RARB: variants seen among roughly 807,000 people sequenced by gnomAD.
RARB encodes HBV-activated protein.
Under a neutral mutation model 51.9 loss-of-function variants are expected in RARB, and 17 were observed. The ratio of observed to expected loss-of-function variants is 0.33; its 90% CI spans 0.22 to 0.49. RARB has a LOEUF of 0.49. Ranked by LOEUF, RARB falls within the 20% of genes least tolerant of loss-of-function variation. RARB has a pLI of 0.99. For synonymous variants in RARB, 215 were observed against 195.4 expected (o/e 1.10, Z -0.84); for missense variants, 369 against 550.8 (o/e 0.67, Z 3.30).
At chr3:24,997,713 A>G (rs1047446486) in intron 2 of RARB, among the ~76,000 whole-genome samples, 1 of 152,038 alleles carries the variant, frequency 6.6e-6, no homozygotes, top group African/African-American at 2.4e-5. Flanking sequence ...AATTTATTAA[A>G]CTATATACTG....
At chr3:25,097,225 G>A (rs1447039533) in intron 3 of RARB, among the ~76,000 whole-genome samples, 2 of 152,104 alleles carry the variant, frequency 1.3e-5, no homozygotes, top group East Asian at 1.9e-4. Flanking sequence ...GCGGTGCACT[G>A]GACCGCTTCT....
rs148977705 is a variant in RARB at position 25,278,696 on chromosome 3, A to C, written c.178+104121A>C. ...GAAAGTAAGCAGAAAGAGATAGCAA[A>C]ATAGCAGCCCCGTTACAAGGCAAAT... On this transcript the variant is annotated intron_variant, in intron 5 of 11. Transcript: ENST00000383772. Among the ~76,000 whole-genome samples the C allele has an allele frequency of 1.8e-3, 275 of 152,324 alleles. 1 individual carries two copies. Among genetic ancestry groups the C allele is most frequent in the Non-Finnish European group, 3.4e-3 (228 of 68,026 alleles).
chr3:24,866,492 A>C (rs963629378), intron 2 of RARB, among the ~76,000 whole-genome samples: 1 of 152,132 alleles, frequency 6.6e-6, no homozygotes, highest in South Asian at 2.1e-4. Flanking sequence ...TTCCAGATGA[A>C]TTCCAGCATG....
At chr3:25,426,923 G>GT (rs1283763177), upstream of RARB, among the ~76,000 whole-genome samples, 2 of 152,184 alleles carry the variant, frequency 1.3e-5, no homozygotes, top group Non-Finnish European at 2.9e-5. Flanking sequence ...TTGGGTCAGT[G>GT]TGAGAGATCT....
intron 3 of RARB, among the ~76,000 whole-genome samples, chr3:25,534,757 T>C (rs1699068796): frequency 6.6e-6 from 1 of 152,212 alleles, no homozygotes; most frequent in Non-Finnish European, 1.5e-5. Context: ...ACCTGTTGGC[T>C]TTGGGACTAG....
intron 3 of RARB, among the ~76,000 whole-genome samples, chr3:25,130,633 C>A (rs1194545280): frequency 2.6e-5 from 4 of 151,732 alleles, no homozygotes. Context: ...AGAGAGGGAC[C>A]TGGGTGTGGG....
intron 3 of RARB, among the ~76,000 whole-genome samples, chr3:25,074,334 C>T (rs1575147898): frequency 6.6e-6 from 1 of 152,174 alleles, no homozygotes. Flanking sequence ...GCTTCCCGAT[C>T]GGCTGCTGAA....
intron 5 of RARB, among the ~76,000 whole-genome samples, chr3:25,325,108 C>T (rs555131507): frequency 1.3e-4 from 20 of 152,112 alleles, no homozygotes; most frequent in African/African-American, 3.9e-4. Flanking sequence ...AAACAAGGGG[C>T]GGCTTATTCA....
intron 2 of RARB, among the ~76,000 whole-genome samples, chr3:24,918,238 T>C (rs937181622): frequency 2.0e-5 from 3 of 152,208 alleles, no homozygotes; most frequent in Admixed American, 6.5e-5. Context: ...GAATTACTAA[T>C]ACATGCTGGT....
At chr3:25,392,025 T>A (rs1027553193) in intron 5 of RARB, among the ~76,000 whole-genome samples, 1 of 152,214 alleles carries the variant, frequency 6.6e-6, no homozygotes, top group Non-Finnish European at 1.5e-5. Flanking sequence ...TCGTTCCAGG[T>A]CTTAGATTTA....
At chr3:25,295,638 A>G (rs1703897972) in intron 5 of RARB, among the ~76,000 whole-genome samples, 1 of 152,218 alleles carries the variant, frequency 6.6e-6, no homozygotes, top group Non-Finnish European at 1.5e-5. Context: ...CCTAATATGT[A>G]GGGCTGTGTT....
intron 2 of RARB, among the ~76,000 whole-genome samples, chr3:25,032,913 T>C (rs2125290899): frequency 6.6e-6 from 1 of 152,322 alleles, no homozygotes; most frequent in South Asian, 2.1e-4. Context: ...GACAATACAT[T>C]ACCTCATGCA....
Position 25,155,752 on chromosome 3 carries a change from G to A in RARB, c.-279-18367G>A, listed in dbSNP as rs530528094. Among the ~76,000 whole-genome samples, 163 of 152,258 alleles carry A rather than the reference G, an allele frequency of 1.1e-3. No individual in the cohort carries two copies. In the South Asian group the frequency reaches 0.017, roughly 16 times the overall value. On this transcript the variant is annotated intron_variant, in intron 4 of 11. Coordinates refer to the RARB transcript ENST00000383772. The stretch of plus-strand genomic sequence containing the variant: ...ACATGACTGTTGATGGCTGGCTTAG[G>A]AACACAAGGCCATACACCTGTGTGC...
At chr3:24,890,115 G>C (rs1157040546) in intron 2 of RARB, among the ~76,000 whole-genome samples, 1 of 152,148 alleles carries the variant, frequency 6.6e-6, no homozygotes, top group African/African-American at 2.4e-5. Context: ...ACTACTATTT[G>C]TCTTAACACA....
intron 3 of RARB, among the ~76,000 whole-genome samples, chr3:25,535,485 C>T (rs551133935): frequency 1.1e-4 from 17 of 150,876 alleles, no homozygotes; most frequent in African/African-American, 4.1e-4. Flanking sequence ...TAGGTATACA[C>T]GTGCCATGGT....
chr3:25,492,235 T>A (rs1696775690), intron 2 of RARB, among the ~76,000 whole-genome samples: 1 of 152,222 alleles, frequency 6.6e-6, no homozygotes, highest in Non-Finnish European at 1.5e-5. Context: ...ACCTGGTCAT[T>A]TAAGAAGTAT....
intron 1 of RARB, among the ~76,000 whole-genome samples, chr3:25,435,927 T>C (rs1484707151): frequency 1.3e-5 from 2 of 152,200 alleles, no homozygotes; most frequent in Non-Finnish European, 2.9e-5. Context: ...GTTGCCATTT[T>C]ATTACAAAAA....
At chr3:25,102,266 C>T (rs1699417337) in intron 3 of RARB, among the ~76,000 whole-genome samples, 1 of 152,106 alleles carries the variant, frequency 6.6e-6, no homozygotes, top group African/African-American at 2.4e-5. Flanking sequence ...ATTGGCTGGG[C>T]ACTGTGGCTC....
chr3:25,577,886 C>T (rs969070515), intron 4 of RARB, among the ~76,000 whole-genome samples: 2 of 152,222 alleles, frequency 1.3e-5, no homozygotes, highest in Non-Finnish European at 2.9e-5. Flanking sequence ...GGCCACCACG[C>T]GGCATCCTGG....
Sources: allele counts gnomAD v4.1 joint callset (sites outside exome capture counted in the v4.1 genomes callset), GRCh38; gene constraint gnomAD v4.1.1; transcripts MANE v1.5; gene names NCBI Gene and HGNC (gene_info 2026-07-23, HGNC 2026-07-21).